Variants in GALNT1 observed in about 807,000 individuals in gnomAD.
The protein encoded by GALNT1 is GalNAc transferase 1.
GALNT1 carries 17 observed loss-of-function variants against 65.7 expected under a neutral mutation model. The ratio of observed to expected loss-of-function variants is 0.26; its 90% confidence interval spans 0.18 to 0.39. The LOEUF (loss-of-function observed/expected upper bound fraction) is 0.39. Among genes scored for constraint, GALNT1 ranks in the 10% least tolerant of loss-of-function variants. The pLI, the probability that GALNT1 is intolerant of heterozygous loss-of-function variation, is 1.00. For missense variants in GALNT1, 460 were observed against 672.8 expected (o/e 0.68, Z 3.50); for synonymous variants, 210 against 219.7 (o/e 0.96, Z 0.39).
Position 35,654,636 on chromosome 18 carries a change from T to C in GALNT1, c.-27T>C. On this transcript the variant is annotated 5_prime_UTR_variant, in exon 2 of 12. An upstream open reading frame in the 5' UTR loses its in-frame stop. Transcript: ENST00000269195. ...TTGTATATTTATATATATATATTTTTAAATTTTGCATTTGACTTAAAGTGC... is the reference window on the plus strand; with the variant it reads ...TTGTATATTTATATATATATATTTTCAAATTTTGCATTTGACTTAAAGTGC... 1 of 1,281,340 alleles carries C rather than the reference T, an allele frequency of 7.8e-7. No homozygotes were observed. The highest frequency in any genetic ancestry group is 1.0e-6 in the Non-Finnish European group (1 of 994,772). 79.4% of individuals were successfully genotyped at this position (1,281,340 alleles called of 1,614,324 possible).
rs772210267 is a variant in GALNT1, at chr18:35,625,311, C to T, written c.-103-29249C>T. 5.3e-5 allele frequency among the ~76,000 whole-genome samples: 8 copies of T among 151,968 alleles called. No homozygotes were observed. In the South Asian group the frequency reaches 8.3e-4, roughly 16 times the overall value. The stretch of plus-strand genomic sequence containing the variant: ...GTGTCAGGGGTCTTGAGAACAGATC[C>T]GGAGAAGAGTAGGGAACCAATAAAG... On this transcript the variant is annotated intron_variant, in intron 1 of 11. Coordinates refer to ENST00000269195, the MANE Select transcript of GALNT1 (RefSeq NM_020474.4).
intron 9 of GALNT1, among the ~76,000 whole-genome samples, chr18:35,696,031 G>C (rs76257213): frequency 6.6e-6 from 1 of 152,152 alleles, no homozygotes; most frequent in African/African-American, 2.4e-5. Context: ...GCAAGCTTGC[G>C]TCTTACCTGC....
At chr18:35,705,665 TTAAAAA>T (rs60850616) in intron 11 of GALNT1, among the ~76,000 whole-genome samples, 12,410 of 152,206 alleles carry the variant, frequency 0.082, 554 homozygotes, top group African/African-American at 0.12. Flanking sequence ...CCACAAAATT[TTAAAAA>T]TGAAAAACCT....
chr18:35,601,712 G>A (rs1166962621), intron 1 of GALNT1, among the ~76,000 whole-genome samples: 1 of 152,286 alleles, frequency 6.6e-6, no homozygotes, highest in South Asian at 2.1e-4. Flanking sequence ...TGGCCTGCCA[G>A]ATGGTCTGTC....
intron 1 of GALNT1, among the ~76,000 whole-genome samples, chr18:35,637,303 A>G (rs1012190786): frequency 4.6e-5 from 7 of 152,248 alleles, no homozygotes; most frequent in Admixed American, 2.6e-4. Flanking sequence ...GAGATGGGCC[A>G]AAAGCTGGGC....
chr18:35,614,871 A>T (rs948133151), intron 1 of GALNT1, among the ~76,000 whole-genome samples: 7 of 152,128 alleles, frequency 4.6e-5, no homozygotes, highest in African/African-American at 1.7e-4. Context: ...TAAAAAAAAT[A>T]AAAAGCCACC....
chr18:35,614,692 T>G (rs1271778833), intron 1 of GALNT1, among the ~76,000 whole-genome samples: 1 of 151,764 alleles, frequency 6.6e-6, no homozygotes, highest in African/African-American at 2.4e-5. Flanking sequence ...AATTCAGGAG[T>G]TTATTAAGTT....
At chr18:35,599,020 T>C (rs2143935481) in intron 1 of GALNT1, among the ~76,000 whole-genome samples, 1 of 150,796 alleles carries the variant, frequency 6.6e-6, no homozygotes, top group East Asian at 1.9e-4. Context: ...ATGTACGTGT[T>C]GGCTATTTGT....
intron 1 of GALNT1, among the ~76,000 whole-genome samples, chr18:35,612,731 G>T (rs1304559726): frequency 6.6e-6 from 1 of 152,148 alleles, no homozygotes; most frequent in Non-Finnish European, 1.5e-5. Flanking sequence ...TGGGCATGGT[G>T]GCAGGTGCCT....
chr18:35,679,817 C>G lies in GALNT1; in HGVS notation c.481+2060C>G, dbSNP rs117154717. Among the ~76,000 whole-genome samples the G allele has an allele frequency of 8.7e-3, 1,323 of 152,222 alleles. 9 individuals are homozygous for G. Among genetic ancestry groups the G allele is most frequent in the Non-Finnish European group, 0.015 (1,006 of 68,014 alleles). The stretch of plus-strand genomic sequence containing the variant: ...AGTCGTAATTGTTAGACCCAGAAAC[C>G]AGAGCAAGCTGTTTGCTTTTATGTA... On this transcript the variant is annotated intron_variant, in intron 4 of 11. Transcript: ENST00000269195.
chr18:35,638,798 AC>A (rs1312521153), intron 1 of GALNT1, among the ~76,000 whole-genome samples: 1 of 152,152 alleles, frequency 6.6e-6, no homozygotes, highest in African/African-American at 2.4e-5. Flanking sequence ...GCCATTAAGA[AC>A]ATTTCTGATT....
intron 3 of GALNT1, 169 bp downstream of exon 3, chr18:35,663,971 T>G (rs2047510972): frequency 3.3e-6 from 2 of 597,590 alleles, no homozygotes; most frequent in South Asian, 4.5e-5. Flanking sequence ...TATCTCAAGC[T>G]TCTACTGATT....
intron 1 of GALNT1, among the ~76,000 whole-genome samples, chr18:35,607,862 C>G (rs1244284258): frequency 6.6e-6 from 1 of 152,122 alleles, no homozygotes; most frequent in African/African-American, 2.4e-5. Context: ...GGAACTATAT[C>G]TTTATTCTAG....
intron 3 of GALNT1, among the ~76,000 whole-genome samples, chr18:35,666,886 A>G (rs936754347): frequency 3.9e-5 from 6 of 152,080 alleles, no homozygotes; most frequent in Non-Finnish European, 5.9e-5. Context: ...CAGAGTCACT[A>G]CTACCACTGA....
rs544260434 is a variant in GALNT1, at chr18:35,604,678, A to G, written c.-104+22816A>G. Among the ~76,000 whole-genome samples the G allele has an allele frequency of 3.3e-5, 5 of 152,154 alleles. No individual in the cohort carries two copies. The East Asian group carries it at 9.6e-4, about 29-fold the overall frequency. ...TCTCTAATGATTAGAGATGTTGAAC[A>G]TTTTTTCATATGCTTATTGGCCGTG... is the stretch of plus-strand genomic sequence containing the variant. On this transcript the variant is annotated intron_variant, in intron 1 of 11. Coordinates refer to ENST00000269195, the MANE Select transcript of GALNT1 (RefSeq NM_020474.4).
At chr18:35,606,594 C>G (rs957196524) in intron 1 of GALNT1, among the ~76,000 whole-genome samples, 1 of 152,144 alleles carries the variant, frequency 6.6e-6, no homozygotes, top group Non-Finnish European at 1.5e-5. Flanking sequence ...CTGGGAGGTA[C>G]AGACTTTTCC....
chr18:35,620,135 A>G (rs1211664044), intron 1 of GALNT1, among the ~76,000 whole-genome samples: 3 of 152,138 alleles, frequency 2.0e-5, no homozygotes, highest in South Asian at 4.1e-4. Context: ...CCCAGCTCCT[A>G]TCTTTCTGTG....
chr18:35,686,026 C>T (rs2047862162), intron 5 of GALNT1, among the ~76,000 whole-genome samples: 1 of 152,164 alleles, frequency 6.6e-6, no homozygotes, highest in South Asian at 2.1e-4. Context: ...CAAGAGTGCA[C>T]CATTGCCCTC....
At chr18:35,595,834 A>G (rs984184030) in intron 1 of GALNT1, 2 of 152,228 alleles carry the variant, frequency 1.3e-5, no homozygotes, top group African/African-American at 4.8e-5. Flanking sequence ...GAAGTCATAA[A>G]TATTTCTGGG....
Sources: gnomAD v4.1 joint callset for allele counts (sites outside exome capture counted in the v4.1 genomes callset) on GRCh38, gnomAD v4.1.1 for gene constraint, MANE v1.5 for transcripts, NCBI Gene and HGNC (gene_info 2026-07-23, HGNC 2026-07-21) for gene names.